The following TTC7A variants were observed in gnomAD, a reference collection of about 807,000 sequenced individuals.
TTC7A encodes the protein tetratricopeptide repeat protein 7A.
Under a neutral mutation model 103.7 loss-of-function variants are expected in TTC7A, and 110 were observed. That is an observed-to-expected ratio of 1.06 (90% CI 0.91 to 1.24). TTC7A has a LOEUF of 1.24. TTC7A is among the 50% of genes most tolerant of loss of function. TTC7A has a pLI of 0.00. For missense variants in TTC7A, 1,340 were observed against 1,116.3 expected, an observed-to-expected ratio of 1.20 and a Z score of -2.86; for synonymous variants, 521 against 467.9, an observed-to-expected ratio of 1.11 and a Z score of -1.47.
intron 2 of TTC7A, among the ~76,000 whole-genome samples, chr2:46,919,631 A>G (rs193009780): frequency 8.1e-4 from 124 of 152,346 alleles, no homozygotes; most frequent in Admixed American, 1.9e-3. Flanking sequence ...CTGTGTCCCT[A>G]AAATCTCAAG....
chr2:47,025,405 G>T (rs1027756133), intron 14 of TTC7A, among the ~76,000 whole-genome samples: 106 of 152,294 alleles, frequency 7.0e-4, no homozygotes, highest in African/African-American at 2.5e-3. Flanking sequence ...TGGAGTTGGG[G>T]CCCTGAGAGC....
chr2:47,067,279 G>T (rs1028836856), intron 19 of TTC7A, among the ~76,000 whole-genome samples: 12 of 152,236 alleles, frequency 7.9e-5, no homozygotes, highest in Admixed American at 2.6e-4. Context: ...CAGTTTTAGG[G>T]CTCAGGTGAA....
At position 46,950,535 on chromosome 2, in the gene TTC7A, T is replaced by C. The variant is rs368365011; in HGVS notation, c.348+9T>C. On this transcript the variant is annotated intron_variant, in intron 2 of 19. Transcript: ENST00000319190. ...ACCATGGGAGGCTCTCGGTAAGTCG[T>C]CAGCCTTCAAGCCTGAGACCTCCTC... 22 of 1,613,716 alleles carry C rather than the reference T, an allele frequency of 1.4e-5. No individual in the cohort carries two copies. The highest frequency in any genetic ancestry group is 5.0e-5 in the Admixed American group (3 of 59,946).
intron 3 of TTC7A, among the ~76,000 whole-genome samples, chr2:46,964,246 A>C (rs1466855226): frequency 6.6e-6 from 1 of 152,218 alleles, no homozygotes; most frequent in Non-Finnish European, 1.5e-5. Context: ...TGAGGGGAAG[A>C]GGTGCCTTCC....
At chr2:46,971,487 A>C (rs554060491) in intron 3 of TTC7A, among the ~76,000 whole-genome samples, 1 of 152,084 alleles carries the variant, frequency 6.6e-6, no homozygotes, top group Non-Finnish European at 1.5e-5. Context: ...AATTGATACC[A>C]GGAGGGCCTG....
intron 3 of TTC7A, among the ~76,000 whole-genome samples, chr2:46,974,186 C>G (rs748289649): frequency 2.0e-5 from 3 of 152,332 alleles, no homozygotes; most frequent in East Asian, 1.9e-4. Flanking sequence ...CAAAGCTTAG[C>G]TTAGGGGAAA....
intron 19 of TTC7A, among the ~76,000 whole-genome samples, chr2:47,073,104 G>A (rs2103666894): frequency 6.6e-6 from 1 of 152,158 alleles, no homozygotes; most frequent in South Asian, 2.1e-4. Context: ...ACCCTCTCCT[G>A]AGGAGCCACC....
chr2:47,022,367 T>A (rs1156707044), intron 12 of TTC7A, among the ~76,000 whole-genome samples: 1 of 152,212 alleles, frequency 6.6e-6, no homozygotes, highest in Non-Finnish European at 1.5e-5. Flanking sequence ...GGCCTGCCTT[T>A]AACCTCAGCA....
intron 16 of TTC7A, chr2:47,046,697 GC>G: frequency 2.1e-6 from 1 of 471,994 alleles, no homozygotes; most frequent in East Asian, 3.9e-5. Context: ...GAGCACTGGA[GC>G]TGGGTGCTGG....
At chr2:46,949,335 A>T (rs1671207304) in intron 1 of TTC7A, among the ~76,000 whole-genome samples, 2 of 152,178 alleles carry the variant, frequency 1.3e-5, no homozygotes, top group African/African-American at 4.8e-5. Flanking sequence ...TCCCGAATTC[A>T]GGCAGTTCTG....
At chr2:47,031,696 C>A (rs1680559234) in intron 15 of TTC7A, among the ~76,000 whole-genome samples, 1 of 152,234 alleles carries the variant, frequency 6.6e-6, no homozygotes, top group Non-Finnish European at 1.5e-5. Context: ...TGCCCAGTTC[C>A]AGCTGAGGGG....
At chr2:47,070,880 G>T (rs116935461) in intron 19 of TTC7A, among the ~76,000 whole-genome samples, 1 of 152,212 alleles carries the variant, frequency 6.6e-6, no homozygotes, top group Admixed American at 6.5e-5. Flanking sequence ...TGGGCTGGCA[G>T]CACAGCCATG....
intron 17 of TTC7A, 57 bp from the exon 18 acceptor site, chr2:47,051,689 G>A: frequency 1.3e-6 from 2 of 1,551,262 alleles, no homozygotes; most frequent in Non-Finnish European, 8.7e-7. Context: ...CTGCTCCTGG[G>A]GCCTGCAACG....
At chr2:47,013,859 A>G (rs2104500794) in intron 11 of TTC7A, among the ~76,000 whole-genome samples, 1 of 152,274 alleles carries the variant, frequency 6.6e-6, no homozygotes, top group Non-Finnish European at 1.5e-5. Context: ...TGAGCAGCAT[A>G]TTTGGGTTCA....
intron 8 of TTC7A, among the ~76,000 whole-genome samples, chr2:46,999,097 T>C (rs1676519642): frequency 6.6e-6 from 1 of 152,126 alleles, no homozygotes; most frequent in Non-Finnish European, 1.5e-5. Flanking sequence ...CATTTCTGCA[T>C]CCGCCCATCC....
chr2:47,074,032 C>CAA lies in TTC7A; in HGVS notation c.*110_*111insAA. 1 of 805,696 alleles carries CAA rather than the reference C, an allele frequency of 1.2e-6. No homozygotes were observed. Among genetic ancestry groups the CAA allele is most frequent in the Non-Finnish European group, 2.0e-6 (1 of 512,478 alleles). 49.9% of individuals were successfully genotyped at this position (805,696 alleles called of 1,614,324 possible). ...TCAGGTGCGGGGCCTCAGGGAAATA[C>CAA]ATCTTTAGTGAACGCCTCTGCAGCT... On this transcript the variant is annotated 3_prime_UTR_variant, in exon 20 of 20. Transcript: ENST00000319190.
Position 47,051,730 on chromosome 2 carries a change from C to T in TTC7A, c.2018-16C>T, listed in dbSNP as rs1484064844. The stretch of plus-strand genomic sequence containing the variant: ...ACCTCTGACCACTGCTCGGCTCGTG[C>T]CCTCTTGCTCTGCAGGCTCCCGGCG... On this transcript the variant is annotated splice_polypyrimidine_tract_variant and intron_variant, in intron 17 of 19. Coordinates refer to ENST00000319190, the MANE Select transcript of TTC7A (RefSeq NM_020458.4). 2.5e-6 allele frequency: 4 copies of T among 1,604,530 alleles called. No homozygotes were observed. Among genetic ancestry groups the T allele is most frequent in the Non-Finnish European group, 3.4e-6 (4 of 1,175,564 alleles).
In TTC7A at chr2:47,001,452, G is replaced by A. The variant is rs574380026; in HGVS notation, c.1066-4470G>A. ...CCTTATGCAAGGTAGTTCATCTTCT[G>A]GGGCTCAGTGTCCTCATCTGCAGAG... On this transcript the variant is annotated intron_variant, in intron 8 of 19. Transcript: ENST00000319190. Among the ~76,000 whole-genome samples the A allele has an allele frequency of 3.9e-5, 6 of 152,292 alleles. No individual in the cohort carries two copies. The South Asian group carries it at 1.2e-3, about 32-fold the overall frequency.
chr2:46,987,937 A>C (rs1441290233), intron 5 of TTC7A, among the ~76,000 whole-genome samples: 1 of 151,990 alleles, frequency 6.6e-6, no homozygotes, highest in Admixed American at 6.6e-5. Flanking sequence ...GACCCCCATG[A>C]GGGGTTCCAT....
Sources: gnomAD v4.1 joint callset for allele counts (sites outside exome capture counted in the v4.1 genomes callset) on GRCh38, gnomAD v4.1.1 for gene constraint, MANE v1.5 for transcripts, NCBI Gene and HGNC (gene_info 2026-07-23, HGNC 2026-07-21) for gene names.